SPTLC2: variants seen among roughly 807,000 people sequenced by gnomAD.
SPTLC2 encodes the protein serine palmitoyltransferase long chain base subunit 2.
In SPTLC2, 21 loss-of-function variants were observed where a neutral mutation model predicts 62.0. The observed-to-expected ratio is 0.34, with a 90% CI of 0.24 to 0.49. The LOEUF is 0.49. SPTLC2 is among the 20% of genes least tolerant of loss of function. The probability of loss-of-function intolerance (pLI) is 0.99; values close to 1 mark genes in which losing one functional copy is unlikely to be tolerated. For synonymous variants in SPTLC2, 261 were observed against 261.8 expected, an observed-to-expected ratio of 1.00 and a Z score of 0.03; for missense variants, 511 against 713.0, an observed-to-expected ratio of 0.72 and a Z score of 3.23.
chr14:77,599,015 T>C (rs781736519), intron 1 of SPTLC2, among the ~76,000 whole-genome samples: 16 of 152,130 alleles, frequency 1.1e-4, no homozygotes, highest in Non-Finnish European at 1.9e-4. Flanking sequence ...CTGACATGAA[T>C]TTTTCTGTCC....
intron 3 of SPTLC2, among the ~76,000 whole-genome samples, chr14:77,578,407 G>T (rs546689683): frequency 1.3e-5 from 2 of 151,302 alleles, no homozygotes; most frequent in East Asian, 1.9e-4. Flanking sequence ...CTTATCAATA[G>T]GAGTTATTTT....
intron 6 of SPTLC2, 73 bp from the exon 7 acceptor site, chr14:77,557,219 A>G (rs1464826316): frequency 1.5e-6 from 2 of 1,313,682 alleles, no homozygotes; most frequent in African/African-American, 1.4e-5. Flanking sequence ...ATGCAGAGAT[A>G]TATTTCTCAT....
intron 9 of SPTLC2, among the ~76,000 whole-genome samples, chr14:77,539,128 A>G (rs2079485812): frequency 6.6e-6 from 1 of 150,436 alleles, no homozygotes; most frequent in Non-Finnish European, 1.5e-5. Flanking sequence ...TTTTATATTT[A>G]CATATGTAAG....
At chr14:77,521,751 G>A in intron 9 of SPTLC2, 170 bp from the exon 10 acceptor site, 1 of 667,376 alleles carries the variant, frequency 1.5e-6, no homozygotes, top group South Asian at 1.7e-5. Context: ...AATGTAAAAT[G>A]TCTCATTTTG....
At chr14:77,544,878 A>C (rs1239325863) in intron 9 of SPTLC2, among the ~76,000 whole-genome samples, 1 of 152,176 alleles carries the variant, frequency 6.6e-6, no homozygotes, top group African/African-American at 2.4e-5. Context: ...AAGAATGCTG[A>C]AGGCAAGCAT....
intron 1 of SPTLC2, among the ~76,000 whole-genome samples, chr14:77,611,815 G>C (rs2079939765): frequency 6.8e-6 from 1 of 146,296 alleles, no homozygotes; most frequent in South Asian, 2.2e-4. Context: ...GACAGAGTGA[G>C]ACTCCGTCTC....
At chr14:77,587,565 G>A (rs184194794) in intron 2 of SPTLC2, among the ~76,000 whole-genome samples, 4 of 151,906 alleles carry the variant, frequency 2.6e-5, no homozygotes, top group East Asian at 1.9e-4. Flanking sequence ...TCAGGAGTTC[G>A]AGACCAGCCT....
chr14:77,600,809 G>A (rs1447690170), intron 1 of SPTLC2, among the ~76,000 whole-genome samples: 7 of 151,816 alleles, frequency 4.6e-5, no homozygotes, highest in African/African-American at 7.3e-5. Context: ...ATTTTTTTCC[G>A]ACAAGACTAT....
chr14:77,549,661 G>GA (rs1315125351), intron 9 of SPTLC2, among the ~76,000 whole-genome samples: 5 of 152,160 alleles, frequency 3.3e-5, no homozygotes, highest in African/African-American at 1.2e-4. Flanking sequence ...CCGAATTCTT[G>GA]ACCTGTGGCA....
chr14:77,519,072 G>A (rs556078210), intron 10 of SPTLC2, among the ~76,000 whole-genome samples: 27 of 151,878 alleles, frequency 1.8e-4, no homozygotes, highest in African/African-American at 5.8e-4. Context: ...TGAGTCTCTC[G>A]CTTTGTCGCC....
intron 1 of SPTLC2, among the ~76,000 whole-genome samples, chr14:77,598,119 T>G (rs576921098): frequency 2.5e-5 from 2 of 81,094 alleles, no homozygotes; most frequent in South Asian, 5.0e-4. Context: ...CGAAACCCCA[T>G]CTCAAAAAAA....
At chr14:77,526,363 C>T (rs2079409214) in intron 9 of SPTLC2, among the ~76,000 whole-genome samples, 1 of 152,186 alleles carries the variant, frequency 6.6e-6, no homozygotes, top group Non-Finnish European at 1.5e-5. Context: ...AAAAATACTG[C>T]TCTTAAGAAG....
intron 8 of SPTLC2, among the ~76,000 whole-genome samples, chr14:77,553,981 C>G (rs2079569706): frequency 6.6e-6 from 1 of 152,016 alleles, no homozygotes; most frequent in Non-Finnish European, 1.5e-5. Flanking sequence ...CCACACCCAG[C>G]TAATTTTTTT....
intron 1 of SPTLC2, among the ~76,000 whole-genome samples, chr14:77,598,421 T>C (rs576950051): frequency 6.6e-6 from 1 of 152,310 alleles, no homozygotes; most frequent in East Asian, 1.9e-4. Flanking sequence ...TATATTGGCC[T>C]ACAGATGAAG....
At chr14:77,555,174 T>G in intron 8 of SPTLC2, 126 bp downstream of exon 8, 1 of 975,768 alleles carries the variant, frequency 1.0e-6, no homozygotes, top group Non-Finnish European at 1.6e-6. Context: ...TCACTGGTAT[T>G]ATGAGCCTAA....
intron 1 of SPTLC2, among the ~76,000 whole-genome samples, chr14:77,604,060 C>T (rs1267859909): frequency 6.6e-6 from 1 of 152,186 alleles, no homozygotes; most frequent in Non-Finnish European, 1.5e-5. Context: ...AGAGGCAATC[C>T]GGTTTGTGTC....
chr14:77,529,235 T>G (rs554938900), intron 9 of SPTLC2, among the ~76,000 whole-genome samples: 37 of 149,712 alleles, frequency 2.5e-4, no homozygotes, highest in African/African-American at 7.9e-4. Context: ...CTGTGAAGTT[T>G]CTCTTTGAAA....
rs907781438 is a variant in SPTLC2 at position 77,551,255 on chromosome 14, G to T, written c.1303+841C>A. On this transcript the variant is annotated intron_variant, in intron 9 of 11. Transcript: ENST00000216484. ...AAAAATACAAAAAAATTAGCCGGGC[G>T]TGGTGGCGGGCGCCTGTAGTCCCAG... is the stretch of plus-strand genomic sequence containing the variant. 2.0e-5 allele frequency among the ~76,000 whole-genome samples: 3 copies of T among 152,070 alleles called. No individual in the cohort carries two copies. The South Asian group carries it at 6.2e-4, about 32-fold the overall frequency.
intron 11 of SPTLC2, 49 bp from the exon 12 acceptor site, chr14:77,512,452 A>G: frequency 6.2e-7 from 1 of 1,613,862 alleles, no homozygotes; most frequent in African/African-American, 1.3e-5. Flanking sequence ...AGTAGGATGC[A>G]GGCATGCCTG....
Sources: gnomAD v4.1 joint callset for allele counts (sites outside exome capture counted in the v4.1 genomes callset) on GRCh38, gnomAD v4.1.1 for gene constraint, MANE v1.5 for transcripts, NCBI Gene and HGNC (gene_info 2026-07-23, HGNC 2026-07-21) for gene names.